The following CRMP1 variants were observed in gnomAD, a reference collection of about 807,000 sequenced individuals.
CRMP1 encodes collapsin response mediator protein 1.
Under a neutral mutation model 68.3 loss-of-function variants are expected in CRMP1, and 19 were observed. The ratio of observed to expected loss-of-function variants is 0.28; its 90% CI spans 0.19 to 0.41. CRMP1 has a LOEUF of 0.41. Among genes scored for constraint, CRMP1 ranks in the 10% least tolerant of loss-of-function variants. The pLI is 1.00. For synonymous variants in CRMP1, 439 were observed against 399.6 expected (o/e 1.10, Z -1.18); for missense variants, 791 against 967.4 (o/e 0.82, Z 2.42).
rs1553902551 is a variant in CRMP1, at chr4:5,827,733, G to GCACACAGA, written c.1803+755_1803+756insTCTGTGTG. 1.0e-3 allele frequency among the ~76,000 whole-genome samples: 142 copies of GCACACAGA among 138,328 alleles called. 1 individual carries two copies. Among genetic ancestry groups the GCACACAGA allele is most frequent in the African/African-American group, 3.7e-3 (131 of 34,960 alleles). 90.7% of individuals were successfully genotyped at this position (138,328 alleles called of 152,430 possible). ...CATAGACATACACACATGTGCGCGTGCACACACACACACACACACACGAAG... is the reference window on the plus strand; with the variant it reads ...CATAGACATACACACATGTGCGCGTGCACACAGACACACACACACACACACACACGAAG... On this transcript the variant is annotated intron_variant, in intron 12 of 13. Transcript: ENST00000324989.
At chr4:5,849,635 C>A (rs1462433215) in intron 5 of CRMP1, among the ~76,000 whole-genome samples, 163 bp from the exon 6 acceptor site, 7 of 152,208 alleles carry the variant, frequency 4.6e-5, no homozygotes, top group African/African-American at 9.6e-5. Flanking sequence ...ACAAGTCAGA[C>A]TTGGAAGGAT....
chr4:5,840,866 C>T (rs1711668236), intron 8 of CRMP1, among the ~76,000 whole-genome samples: 1 of 152,158 alleles, frequency 6.6e-6, no homozygotes, highest in Admixed American at 6.5e-5. Context: ...ACTAAAACAA[C>T]ATATTTGGGG....
chr4:5,862,822 T>G (rs1713680180), intron 2 of CRMP1, among the ~76,000 whole-genome samples: 1 of 152,154 alleles, frequency 6.6e-6, no homozygotes, highest in African/African-American at 2.4e-5. Flanking sequence ...CTTTTAATTA[T>G]TTTGGAGATA....
At position 5,872,561 on chromosome 4, in the gene CRMP1, C is replaced by A. The variant is rs944095437; in HGVS notation, c.382-5805G>T. Among the ~76,000 whole-genome samples the A allele has an allele frequency of 2.0e-5, 3 of 152,164 alleles. No homozygotes were observed. Among genetic ancestry groups the A allele is most frequent in the African/African-American group, 7.2e-5 (3 of 41,434 alleles). On this transcript the variant is annotated intron_variant, in intron 1 of 13. Transcript: ENST00000324989. The surrounding 1 kb of genome is among the most constrained non-coding windows in gnomAD (Gnocchi z 4.6). ...AATTAGTTGGGCGTGGTGGCAGGCA[C>A]CTGTAATCCCAGCTACTCGGGAGGC...
At chr4:5,851,176 G>T (rs764662744) in intron 5 of CRMP1, among the ~76,000 whole-genome samples, 9 of 152,190 alleles carry the variant, frequency 5.9e-5, no homozygotes, top group Non-Finnish European at 1.0e-4. Context: ...AGCCAGATTT[G>T]GGAGCCACCA....
chr4:5,822,436 T>C (rs2152428859), intron 13 of CRMP1, among the ~76,000 whole-genome samples: 1 of 150,110 alleles, frequency 6.7e-6, no homozygotes. Flanking sequence ...TGTGTGCATG[T>C]GCATGTGAAC....
Position 5,859,419 on chromosome 4 carries a change from C to T in CRMP1, c.655+1607G>A, listed in dbSNP as rs561225682. ...GAACCCTGGCTCCTCATCCAGTACTCCTTCCCCTGCCCTGTGCAGTCCTCC... is the reference window on the plus strand; with the variant it reads ...GAACCCTGGCTCCTCATCCAGTACTTCTTCCCCTGCCCTGTGCAGTCCTCC... On this transcript the variant is annotated intron_variant, in intron 3 of 13. Transcript: ENST00000324989. This position sits in a 1 kb window ranked among gnomAD's most constrained non-coding sequence, Gnocchi z 5.2. Among the ~76,000 whole-genome samples, 3 of 152,316 alleles carry T rather than the reference C, an allele frequency of 2.0e-5. No homozygotes were observed. Among genetic ancestry groups the T allele is most frequent in the Admixed American group, 1.3e-4 (2 of 15,310 alleles).
rs1238920523 is a variant in CRMP1, at chr4:5,825,222, A to G, written c.1969+272T>C. 5 of 985,240 alleles carry G rather than the reference A, an allele frequency of 5.1e-6. No individual in the cohort carries two copies. The highest frequency in any genetic ancestry group is 6.0e-6 in the Non-Finnish European group (5 of 829,930). 61.0% of individuals were successfully genotyped at this position (985,240 alleles called of 1,614,324 possible). A position where few individuals can be genotyped will look rare whatever the true frequency, so the allele number is the denominator to read the frequency against. On this transcript the variant is annotated intron_variant, in intron 13 of 13. Coordinates refer to ENST00000324989, the MANE Select transcript of CRMP1 (RefSeq NM_001014809.3). This position sits in a 1 kb window ranked among gnomAD's most constrained non-coding sequence, Gnocchi z 4.4. ...GTGAAAGTGTCCCCAAATGTGTGTA[A>G]GGATGAGCACTGGGACAATTTTGGT...
In CRMP1 at chr4:5,825,464, TG is replaced by T. The variant is rs1719404937; in HGVS notation, c.1969+29del. 6.5e-7 allele frequency: 1 copy of T among 1,540,080 alleles called. No individual in the cohort carries two copies. Among genetic ancestry groups the T allele is most frequent in the Non-Finnish European group, 8.7e-7 (1 of 1,151,448 alleles). On this transcript the variant is annotated intron_variant, in intron 13 of 13. Coordinates refer to ENST00000324989, the MANE Select transcript of CRMP1 (RefSeq NM_001014809.3). The surrounding 1 kb of genome is among the most constrained non-coding windows in gnomAD (Gnocchi z 4.4). ...GACTCGGCCTGAACTGCTGCAATTGTGGGGAGCCTGGGCCACCACTCTTTCC... is the reference window on the plus strand; with the variant it reads ...GACTCGGCCTGAACTGCTGCAATTGTGGGAGCCTGGGCCACCACTCTTTCC...
intron 9 of CRMP1, among the ~76,000 whole-genome samples, chr4:5,837,909 C>G (rs1720837625): frequency 6.6e-6 from 1 of 152,040 alleles, no homozygotes. Flanking sequence ...CATCTAAGAT[C>G]AGAAAGAGAG....
chr4:5,846,504 A>G (rs1373826251), intron 6 of CRMP1, among the ~76,000 whole-genome samples: 1 of 152,264 alleles, frequency 6.6e-6, no homozygotes, highest in East Asian at 1.9e-4. Context: ...CAGGAGGTCC[A>G]CAGATTTTTA....
rs546758914 is a variant in CRMP1 at position 5,838,699 on chromosome 4, C to T, written c.1310+823G>A. On this transcript the variant is annotated intron_variant, in intron 9 of 13. Transcript: ENST00000324989. The surrounding 1 kb of genome is among the most constrained non-coding windows in gnomAD (Gnocchi z 4.9). ...CAGATGTTGAGTAAGCCCTTGGCTACGCTAGTCAAAGGTTTCTGTATCATC... is the reference window on the plus strand; with the variant it reads ...CAGATGTTGAGTAAGCCCTTGGCTATGCTAGTCAAAGGTTTCTGTATCATC... 9.2e-5 allele frequency among the ~76,000 whole-genome samples: 14 copies of T among 152,312 alleles called. No individual in the cohort carries two copies. In the South Asian group the frequency reaches 1.5e-3, roughly 16 times the overall value.
Position 5,891,175 on chromosome 4 carries a change from T to TATACACACACACAC in CRMP1, c.381+1413_381+1414insGTGTGTGTGTGTAT. 7.6e-6 allele frequency among the ~76,000 whole-genome samples: 1 copy of TATACACACACACAC among 132,058 alleles called. No individual in the cohort carries two copies. The highest frequency in any genetic ancestry group is 2.3e-4 in the East Asian group (1 of 4,310). 86.6% of individuals were successfully genotyped at this position (132,058 alleles called of 152,430 possible). A position where few individuals can be genotyped will look rare whatever the true frequency, so the allele number is the denominator to read the frequency against. On this transcript the variant is annotated intron_variant, in intron 1 of 13. Transcript: ENST00000324989. The surrounding 1 kb of genome is among the most constrained non-coding windows in gnomAD (Gnocchi z 5.2). ...TGATCACCCCACCACCACACACACA[T>TATACACACACACAC]ACACACACACACACACACACACACA...
chr4:5,862,952 C>T (rs915455588), intron 2 of CRMP1, among the ~76,000 whole-genome samples: 1 of 152,180 alleles, frequency 6.6e-6, no homozygotes, highest in Admixed American at 6.5e-5. Context: ...ACTACACAGG[C>T]TTGCACCACC....
At chr4:5,847,219 A>C (rs1439128918) in intron 6 of CRMP1, among the ~76,000 whole-genome samples, 1 of 152,120 alleles carries the variant, frequency 6.6e-6, no homozygotes, top group Non-Finnish European at 1.5e-5. Context: ...GGTCAGGGAG[A>C]TATCTTCCTT....
chr4:5,884,471 C>T (rs571246038), intron 1 of CRMP1, among the ~76,000 whole-genome samples: 60 of 129,476 alleles, frequency 4.6e-4, no homozygotes, highest in Non-Finnish European at 1.8e-5. Flanking sequence ...CTCACACACA[C>T]AACTATGCAT....
chr4:5,827,617 C>G (rs1025408977), intron 12 of CRMP1, among the ~76,000 whole-genome samples: 1 of 151,872 alleles, frequency 6.6e-6, no homozygotes, highest in East Asian at 1.9e-4. Flanking sequence ...CATACACACA[C>G]GCGCACACAC....
chr4:5,874,584 G>A (rs1489246829), intron 1 of CRMP1, among the ~76,000 whole-genome samples: 4 of 152,098 alleles, frequency 2.6e-5, no homozygotes, highest in Non-Finnish European at 5.9e-5. Flanking sequence ...CCCTTACACA[G>A]TATTTAGCAG....
chr4:5,871,769 G>A (rs1028136660), intron 1 of CRMP1, among the ~76,000 whole-genome samples: 9 of 152,182 alleles, frequency 5.9e-5, no homozygotes, highest in African/African-American at 1.2e-4. Flanking sequence ...TATTTGATAC[G>A]AATACTCAAG....
Sources: gnomAD v4.1 joint callset for allele counts (sites outside exome capture counted in the v4.1 genomes callset) on GRCh38, gnomAD v4.1.1 for gene constraint, Gnocchi (gnomAD v3.1) non-coding constraint, MANE v1.5 for transcripts, NCBI Gene and HGNC (gene_info 2026-07-23, HGNC 2026-07-21) for gene names.